MAN1C1: variants seen among roughly 807,000 people sequenced by gnomAD.
The protein encoded by MAN1C1 is mannosyl-oligosaccharide 1,2-alpha-mannosidase IC.
In MAN1C1, 49 loss-of-function variants were observed where a neutral mutation model predicts 71.5. The ratio of observed to expected loss-of-function variants is 0.69; its 90% confidence interval spans 0.54 to 0.87. The LOEUF (loss-of-function observed/expected upper bound fraction) is 0.87, where lower values mean the gene tolerates loss of function less well. MAN1C1 is among the 40% of genes least tolerant of loss of function. The probability of loss-of-function intolerance (pLI) is 0.00; values close to 1 mark genes in which losing one functional copy is unlikely to be tolerated. For missense variants in MAN1C1, 743 were observed against 835.0 expected (o/e 0.89, Z 1.36); for synonymous variants, 352 against 343.7 (o/e 1.02, Z -0.27).
At chr1:25,718,678 CA>C (rs1487211897) in intron 2 of MAN1C1, among the ~76,000 whole-genome samples, 1 of 152,122 alleles carries the variant, frequency 6.6e-6, no homozygotes, top group Non-Finnish European at 1.5e-5. Context: ...AAAATGGAAG[CA>C]AAAACCTGTG....
rs548439641 is a variant in MAN1C1, at chr1:25,783,914, G to T, written c.*125G>T. On this transcript the variant is annotated 3_prime_UTR_variant, in exon 12 of 12. Transcript: ENST00000374332. ...CGGGCAGACCCCCAGCAGATGTGTC[G>T]GACAAGCAACTTCTTTTCCTCTGTG... 2.3e-6 allele frequency: 3 copies of T among 1,286,724 alleles called. No individual in the cohort carries two copies. The highest frequency in any genetic ancestry group is 3.1e-6 in the Non-Finnish European group (3 of 953,566). The allele number at this position is 1,286,724 out of a possible 1,614,324, so 79.7% of individuals were successfully genotyped here.
At chr1:25,675,786 T>G (rs143758789) in intron 1 of MAN1C1, among the ~76,000 whole-genome samples, 21 of 152,342 alleles carry the variant, frequency 1.4e-4, no homozygotes, top group Non-Finnish European at 2.5e-4. Context: ...ATACGAGCCA[T>G]TGTGCTCAAC....
chr1:25,709,414 A>G (rs755515801), intron 2 of MAN1C1, among the ~76,000 whole-genome samples: 3 of 152,222 alleles, frequency 2.0e-5, no homozygotes, highest in Admixed American at 1.3e-4. Context: ...GCAATGAATG[A>G]GTCCTGTCAA....
chr1:25,702,968 C>T (rs115839204), intron 2 of MAN1C1, among the ~76,000 whole-genome samples: 98 of 152,314 alleles, frequency 6.4e-4, no homozygotes, highest in African/African-American at 2.3e-3. Flanking sequence ...TGCTGCTCTT[C>T]GCCAGGAGGA....
chr1:25,640,262 A>G (rs1434611934), intron 1 of MAN1C1, among the ~76,000 whole-genome samples: 2 of 152,174 alleles, frequency 1.3e-5, no homozygotes. Flanking sequence ...GGGATGGGTG[A>G]AGGTGTTGAA....
At chr1:25,665,823 T>C (rs77763280) in intron 1 of MAN1C1, among the ~76,000 whole-genome samples, 1 of 151,228 alleles carries the variant, frequency 6.6e-6, no homozygotes, top group East Asian at 1.9e-4. Flanking sequence ...AAGGTCACAC[T>C]AGTGGAATTT....
Position 25,782,723 on chromosome 1 carries a change from AG to A in MAN1C1, c.1766+26del, listed in dbSNP as rs757620789. 4.7e-5 allele frequency: 73 copies of A among 1,563,644 alleles called. No individual in the cohort carries two copies. The highest frequency in any genetic ancestry group is 6.3e-5 in the Non-Finnish European group (72 of 1,134,522). ...AAAGTGAGCAGTGTGGGCTCTTCCT[AG>A]GGATGGACAGGTGGGAGGTTGAGGG... On this transcript the variant is annotated intron_variant, in intron 11 of 11. Transcript: ENST00000374332. The surrounding 1 kb of genome is among the most constrained non-coding windows in gnomAD (Gnocchi z 4.4).
chr1:25,700,605 C>G (rs996652932), intron 2 of MAN1C1, among the ~76,000 whole-genome samples: 5 of 152,192 alleles, frequency 3.3e-5, no homozygotes, highest in Non-Finnish European at 5.9e-5. Flanking sequence ...GCCTAAGGAA[C>G]ACATCTATGA....
intron 1 of MAN1C1, among the ~76,000 whole-genome samples, chr1:25,678,393 A>G (rs2046099190): frequency 6.6e-6 from 1 of 152,246 alleles, no homozygotes; most frequent in Non-Finnish European, 1.5e-5. Context: ...AGCTGCACAA[A>G]TATAAGTGAT....
chr1:25,750,521 C>T (rs1189926382), intron 4 of MAN1C1, among the ~76,000 whole-genome samples: 4 of 152,186 alleles, frequency 2.6e-5, no homozygotes, highest in African/African-American at 7.2e-5. Flanking sequence ...TCTTCACCTC[C>T]ACTGCTGCTG....
rs141491513 is a variant in MAN1C1 at position 25,658,478 on chromosome 1, T to A, written c.541-27962T>A. On this transcript the variant is annotated intron_variant, in intron 1 of 11. Coordinates refer to ENST00000374332, the MANE Select transcript of MAN1C1 (RefSeq NM_020379.4). ...GCTGCTTCTTTTTTTTTAAACGCGG[T>A]CTGGCTCTCTCGCCTAGGCTAGAAT... Among the ~76,000 whole-genome samples, 1,236 of 152,074 alleles carry A rather than the reference T, an allele frequency of 8.1e-3. 10 individuals carry two copies. The highest frequency in any genetic ancestry group is 0.015 in the Non-Finnish European group (1,014 of 67,984).
intron 1 of MAN1C1, among the ~76,000 whole-genome samples, chr1:25,637,092 T>C (rs1336192592): frequency 1.3e-5 from 2 of 152,212 alleles, no homozygotes; most frequent in East Asian, 3.9e-4. Flanking sequence ...GAGATGAAGG[T>C]TGCAGTGAGC....
chr1:25,681,631 C>A (rs1220723289), intron 1 of MAN1C1, among the ~76,000 whole-genome samples: 1 of 152,182 alleles, frequency 6.6e-6, no homozygotes, highest in African/African-American at 2.4e-5. Context: ...AGACCTGCTG[C>A]ATTAACTTTT....
At chr1:25,619,275 G>A (rs570531988) in intron 1 of MAN1C1, among the ~76,000 whole-genome samples, 1 of 152,326 alleles carries the variant, frequency 6.6e-6, no homozygotes, top group East Asian at 1.9e-4. Context: ...CAAGCTGTGG[G>A]CCAGGGTCTC....
At chr1:25,757,275 G>A (rs144630176) in intron 5 of MAN1C1, among the ~76,000 whole-genome samples, 3 of 152,198 alleles carry the variant, frequency 2.0e-5, no homozygotes, top group African/African-American at 4.8e-5. Flanking sequence ...TCCTGGGAGG[G>A]CAGTGTGACC....
chr1:25,752,935 C>T (rs961924344), intron 4 of MAN1C1, among the ~76,000 whole-genome samples: 2 of 152,324 alleles, frequency 1.3e-5, no homozygotes, highest in South Asian at 4.1e-4. Context: ...GTCTCTGGAA[C>T]CTGAGGGTGG....
At chr1:25,707,515 G>A (rs2046540678) in intron 2 of MAN1C1, among the ~76,000 whole-genome samples, 1 of 152,232 alleles carries the variant, frequency 6.6e-6, no homozygotes, top group Non-Finnish European at 1.5e-5. Flanking sequence ...GGCTACTTCA[G>A]GCCTTGAGGT....
chr1:25,783,764 C>A lies in MAN1C1; in HGVS notation c.1868C>A (p.Ser623Tyr). ...CTCCCGGTGAACCACTCAGACAGCTCCGGCAGAGCCTGGGGCAGACACTGA... is the reference window on the plus strand; with the variant it reads ...CTCCCGGTGAACCACTCAGACAGCTACGGCAGAGCCTGGGGCAGACACTGA... The part of the protein sequence containing the change: ...HPLPVNHSDS[S>Y]GRAWGRH Residue 623 changes from serine to tyrosine, a missense_variant, in exon 12 of 12, where the codon TCC becomes TAC. Ser to Tyr is a moderately radical substitution (Grantham distance 144). Coordinates refer to ENST00000374332, the MANE Select transcript of MAN1C1 (RefSeq NM_020379.4). The A allele has an allele frequency of 1.9e-6, 3 of 1,612,290 alleles. No homozygotes were observed. The highest frequency in any genetic ancestry group is 2.5e-6 in the Non-Finnish European group (3 of 1,180,004).
chr1:25,633,787 A>G (rs2124755330), intron 1 of MAN1C1, among the ~76,000 whole-genome samples: 1 of 152,204 alleles, frequency 6.6e-6, no homozygotes, highest in African/African-American at 2.4e-5. Context: ...ATTAATACTG[A>G]GATGTGAGGT....
Sources: allele counts gnomAD v4.1 joint callset (sites outside exome capture counted in the v4.1 genomes callset), GRCh38; gene constraint gnomAD v4.1.1; non-coding constraint Gnocchi (gnomAD v3.1); transcripts MANE v1.5; gene names NCBI Gene and HGNC (gene_info 2026-07-23, HGNC 2026-07-21).